The following EYS variants were observed in gnomAD, a reference collection of about 807,000 sequenced individuals.
EYS encodes the protein EGF-like photoreceptor maintenance factor.
A neutral mutation model predicts 282.1 loss-of-function variants in EYS; 250 were observed. The ratio of observed to expected loss-of-function variants is 0.89; its 90% CI spans 0.80 to 0.98. EYS has a LOEUF of 0.98. Ranked by LOEUF, EYS falls within the 50% of genes least tolerant of loss-of-function variation. The pLI is 0.00. For missense variants in EYS, 4,016 were observed against 3,709.0 expected, an observed-to-expected ratio of 1.08 and a Z score of -2.15; for synonymous variants, 1,355 against 1,282.9, an observed-to-expected ratio of 1.06 and a Z score of -1.20.
Position 64,568,005 on chromosome 6 carries a change from T to C in EYS, c.5644+22218A>G, listed in dbSNP as rs563274584. On this transcript the variant is annotated intron_variant, in intron 26 of 42. Coordinates refer to ENST00000503581, the MANE Select transcript of EYS (RefSeq NM_001142800.2). ...AGATTGTGGGAACACAAATGGAACATGGCATTCTCCATGAGTAGAGAAGAT... is the reference window on the plus strand; with the variant it reads ...AGATTGTGGGAACACAAATGGAACACGGCATTCTCCATGAGTAGAGAAGAT... Among the ~76,000 whole-genome samples the C allele has an allele frequency of 4.3e-4, 65 of 152,294 alleles. No individual in the cohort carries two copies. In the South Asian group the frequency reaches 0.01, roughly 24 times the overall value.
intron 13 of EYS, among the ~76,000 whole-genome samples, chr6:65,008,788 G>A (rs1001307450): frequency 6.6e-6 from 1 of 152,306 alleles, no homozygotes; most frequent in South Asian, 2.1e-4. Context: ...CAGAGCCCCA[G>A]GTATGCTTGA....
chr6:65,143,105 A>G (rs543139311), intron 12 of EYS, among the ~76,000 whole-genome samples: 5 of 152,178 alleles, frequency 3.3e-5, no homozygotes, highest in African/African-American at 1.2e-4. Flanking sequence ...AAACTTGCTA[A>G]TAACAGACCA....
chr6:64,771,706 G>A (rs917933032), intron 22 of EYS, among the ~76,000 whole-genome samples: 1 of 151,726 alleles, frequency 6.6e-6, no homozygotes, highest in Non-Finnish European at 1.5e-5. Flanking sequence ...ATTGTTTTGT[G>A]TTCAATAAAT....
At chr6:64,108,765 G>T (rs1248269088) in intron 31 of EYS, among the ~76,000 whole-genome samples, 1 of 152,100 alleles carries the variant, frequency 6.6e-6, no homozygotes, top group East Asian at 1.9e-4. Flanking sequence ...TAACGCTGTT[G>T]CCTTGAAGAC....
chr6:64,051,682 A>G (rs1337975063), intron 33 of EYS, among the ~76,000 whole-genome samples: 1 of 152,160 alleles, frequency 6.6e-6, no homozygotes, highest in Non-Finnish European at 1.5e-5. Flanking sequence ...AATGAGCATG[A>G]TTGTTCTTAT....
chr6:64,436,210 C>G lies in EYS; in HGVS notation c.5891G>C (p.Arg1964Thr). The G allele has an allele frequency of 5.2e-6, 8 of 1,544,966 alleles. No homozygotes were observed. Among genetic ancestry groups the G allele is most frequent in the Non-Finnish European group, 6.1e-6 (7 of 1,142,814 alleles). Residue 1964 changes from arginine (R) to threonine (T), a missense_variant, in exon 28 of 43, where the codon AGA becomes ACA. Arg to Thr is a moderately conservative substitution (Grantham distance 71). Coordinates refer to ENST00000503581, the MANE Select transcript of EYS (RefSeq NM_001142800.2). ...TGTATACTTTTGCCCGTTGTCCACT[C>G]TAACAGTAGTATTAATGCTTTTAAA... is the stretch of plus-strand genomic sequence containing the variant. ...AKFKSINTTVRVDNGQKYTLL... is the reference protein window; with the variant it reads ...AKFKSINTTVTVDNGQKYTLL...
intron 12 of EYS, among the ~76,000 whole-genome samples, chr6:65,285,094 A>G (rs745530379): frequency 5.3e-5 from 8 of 152,008 alleles, no homozygotes; most frequent in Non-Finnish European, 1.0e-4. Context: ...GGAAGCTTTC[A>G]AAGTGATTGT....
chr6:64,926,607 G>T (rs1768525397), intron 15 of EYS, among the ~76,000 whole-genome samples: 1 of 152,144 alleles, frequency 6.6e-6, no homozygotes, highest in Non-Finnish European at 1.5e-5. Context: ...TTCTGCTGGA[G>T]CCTGCCACAT....
chr6:65,334,970 A>G lies in EYS; in HGVS notation c.1766+10T>C. The G allele has an allele frequency of 6.2e-7, 1 of 1,602,880 alleles. No individual in the cohort carries two copies. Among genetic ancestry groups the G allele is most frequent in the Non-Finnish European group, 8.5e-7 (1 of 1,172,134 alleles). Reference sequence around the variant, plus strand: ...ATGTGATATTATCTGCTCAAATGATACATAAATACCTGGGTCTATTAATTT... The same window carrying G: ...ATGTGATATTATCTGCTCAAATGATGCATAAATACCTGGGTCTATTAATTT... On this transcript the variant is annotated intron_variant, in intron 11 of 42. Transcript: ENST00000503581.
intron 29 of EYS, among the ~76,000 whole-genome samples, chr6:64,322,586 C>T (rs140401079): frequency 6.6e-6 from 1 of 152,042 alleles, no homozygotes; most frequent in East Asian, 1.9e-4. Flanking sequence ...TTACAAGTGG[C>T]AGATGAAATT....
At chr6:64,243,924 G>A (rs1159359420) in intron 30 of EYS, among the ~76,000 whole-genome samples, 1 of 152,110 alleles carries the variant, frequency 6.6e-6, no homozygotes, top group Non-Finnish European at 1.5e-5. Flanking sequence ...AAATACTGCA[G>A]TGAATATCAT....
chr6:65,564,608 T>G (rs1192848084), intron 2 of EYS, among the ~76,000 whole-genome samples: 2 of 152,122 alleles, frequency 1.3e-5, no homozygotes, highest in Non-Finnish European at 2.9e-5. Flanking sequence ...CCTTACACCT[T>G]ATACAAAAAT....
intron 30 of EYS, among the ~76,000 whole-genome samples, chr6:64,258,804 T>C (rs1767488727): frequency 6.6e-6 from 1 of 151,998 alleles, no homozygotes; most frequent in African/African-American, 2.4e-5. Context: ...ACAGTTTTTT[T>C]TCCATGTTAT....
chr6:64,104,576 A>T (rs1232379284), intron 31 of EYS, among the ~76,000 whole-genome samples: 2 of 152,042 alleles, frequency 1.3e-5, no homozygotes, highest in Non-Finnish European at 2.9e-5. Context: ...ATAGTAGTTT[A>T]CTTTGTTGGA....
chr6:64,012,824 T>C (rs1468262272), intron 33 of EYS, among the ~76,000 whole-genome samples: 1 of 152,198 alleles, frequency 6.6e-6, no homozygotes. Flanking sequence ...TCAGGACTTT[T>C]GTCTAGCAAA....
intron 33 of EYS, 139 bp from the exon 34 acceptor site, chr6:63,999,322 A>G: frequency 5.9e-6 from 4 of 676,004 alleles, no homozygotes; most frequent in Non-Finnish European, 1.1e-5. Context: ...GGACCCAGCC[A>G]AGTGTGGACA....
At chr6:64,201,799 G>T (rs938332611) in intron 31 of EYS, among the ~76,000 whole-genome samples, 3 of 152,134 alleles carry the variant, frequency 2.0e-5, no homozygotes, top group Non-Finnish European at 2.9e-5. Flanking sequence ...TTAATTTAAG[G>T]ATATACTTTT....
chr6:65,324,687 G>C lies in EYS; in HGVS notation c.1766+10293C>G, dbSNP rs532524948. Among the ~76,000 whole-genome samples the C allele has an allele frequency of 6.6e-5, 10 of 152,294 alleles. No individual in the cohort carries two copies. In the East Asian group the frequency reaches 1.9e-3, roughly 29 times the overall value. ...AAAGAGGACATGAGACCATTTGATT[G>C]TACATAAGTAACCTGGACTTTGGAT... is the stretch of plus-strand genomic sequence containing the variant. On this transcript the variant is annotated intron_variant, in intron 11 of 42. Coordinates refer to ENST00000503581, the MANE Select transcript of EYS (RefSeq NM_001142800.2).
intron 12 of EYS, among the ~76,000 whole-genome samples, chr6:65,092,319 A>G (rs536817645): frequency 3.9e-4 from 59 of 152,312 alleles, no homozygotes; most frequent in Middle Eastern, 3.4e-3. Flanking sequence ...AAATTCTCAG[A>G]AAGTTAGAAT....
Sources: gnomAD v4.1 joint callset for allele counts (sites outside exome capture counted in the v4.1 genomes callset) on GRCh38, gnomAD v4.1.1 for gene constraint, MANE v1.5 for transcripts, NCBI Gene and HGNC (gene_info 2026-07-23, HGNC 2026-07-21) for gene names.